WASHC2C: variants seen among roughly 807,000 people sequenced by gnomAD.
The protein encoded by WASHC2C is Vaccinia Penetration Factor.
Under a neutral mutation model 142.2 loss-of-function variants are expected in WASHC2C, and 73 were observed. The ratio of observed to expected loss-of-function variants is 0.51; its 90% CI spans 0.43 to 0.62. The LOEUF is 0.62. Ranked by LOEUF, WASHC2C falls within the 20% of genes least tolerant of loss-of-function variation. The pLI is 0.00. For missense variants in WASHC2C, 969 were observed against 1,531.7 expected (o/e 0.63, Z 6.13); for synonymous variants, 337 against 565.5 (o/e 0.60, Z 5.73).
intron 16 of WASHC2C, among the ~76,000 whole-genome samples, chr10:45,757,865 A>G (rs2054507739): frequency 6.6e-6 from 1 of 152,210 alleles, no homozygotes; most frequent in Non-Finnish European, 1.5e-5. Flanking sequence ...TGCTCACCTC[A>G]CCTCCTGCTG....
intron 17 of WASHC2C, among the ~76,000 whole-genome samples, chr10:45,761,685 G>A (rs1386313554): frequency 8.5e-5 from 13 of 152,154 alleles, no homozygotes; most frequent in Non-Finnish European, 1.5e-4. Context: ...CATTTTGGGG[G>A]AACATATTTG....
intron 17 of WASHC2C, among the ~76,000 whole-genome samples, chr10:45,761,751 G>A (rs1327427377): frequency 4.6e-5 from 7 of 152,158 alleles, no homozygotes; most frequent in South Asian, 2.1e-4. Flanking sequence ...TTAAGGGTCC[G>A]AAACTGTGAT....
At chr10:45,758,349 T>C (rs1295654520) in intron 16 of WASHC2C, among the ~76,000 whole-genome samples, 3 of 152,334 alleles carry the variant, frequency 2.0e-5, no homozygotes, top group Admixed American at 6.5e-5. Context: ...AAAGTGATAG[T>C]TGAACACAGT....
intron 21 of WASHC2C, 105 bp downstream of exon 21, chr10:45,773,463 C>T (rs1224435884): frequency 1.1e-5 from 7 of 635,666 alleles, no homozygotes; most frequent in African/African-American, 3.7e-5. Context: ...GAGGCTGAGT[C>T]TTATGGAAGA....
In WASHC2C at chr10:45,792,387, T is replaced by C. The variant is rs1237202593; in HGVS notation, c.4013T>C (p.Phe1338Ser). 1.9e-6 allele frequency: 3 copies of C among 1,564,786 alleles called. No individual in the cohort carries two copies. The highest frequency in any genetic ancestry group is 2.6e-6 in the Non-Finnish European group (3 of 1,146,542). Reference sequence around the variant, plus strand: ...ATCTTTGATGATCCCCTGAATGCCTTTGGAGGCCAGTAGAGCACACAGGGT... The same window carrying C: ...ATCTTTGATGATCCCCTGAATGCCTCTGGAGGCCAGTAGAGCACACAGGGT... ...SNIFDDPLNAFGGQ is the reference protein window; with the variant it reads ...SNIFDDPLNASGGQ Residue 1338 changes from phenylalanine (F) to serine (S), a missense_variant, in exon 31 of 31, where the codon TTT becomes TCT. By Grantham distance (155) the Phe-to-Ser change is radical. Transcript: ENST00000623400.
At chr10:45,786,534 A>G in intron 26 of WASHC2C, 78 bp from the exon 27 acceptor site, 1 of 1,472,272 alleles carries the variant, frequency 6.8e-7, no homozygotes, top group Non-Finnish European at 9.5e-7. Context: ...GCTCCATCAC[A>G]GATTTATTTA....
chr10:45,746,506 A>G (rs1554871154), intron 7 of WASHC2C, 94 bp from the exon 8 acceptor site: 2 of 1,426,096 alleles, frequency 1.4e-6, no homozygotes, highest in Admixed American at 1.7e-5. Flanking sequence ...CACTTGACAT[A>G]GAATCAGCCT....
At chr10:45,788,596 CTT>C (rs2058216106) in intron 28 of WASHC2C, among the ~76,000 whole-genome samples, 1 of 152,048 alleles carries the variant, frequency 6.6e-6, no homozygotes, top group Admixed American at 6.5e-5. Flanking sequence ...ACAGATGAAA[CTT>C]TTTGTGTGAA....
At chr10:45,748,808 C>A (rs2053175077) in intron 8 of WASHC2C, among the ~76,000 whole-genome samples, 1 of 152,040 alleles carries the variant, frequency 6.6e-6, no homozygotes. Flanking sequence ...AAAATTAGAA[C>A]TTAACAGATA....
rs2058259102 is a variant in WASHC2C at position 45,789,325 on chromosome 10, A to G, written c.3542A>G (p.Asp1181Gly). ...CCTGCTCTAGGCGAGGCCAGCAGTGATGATGATCTCTTTCAGTCTGCTAAA... is the reference window on the plus strand; with the variant it reads ...CCTGCTCTAGGCGAGGCCAGCAGTGGTGATGATCTCTTTCAGTCTGCTAAA... ...MFPALGEASS[D>G]DDLFQSAKPK... is the part of the protein sequence containing the mutation. The change falls in exon 29 of 31, where the codon GAT (aspartate) becomes GGT (glycine). Residue 1181 changes from aspartate to glycine, a missense_variant. Physicochemically the swap from Asp to Gly is moderately conservative, Grantham distance 94. Coordinates refer to ENST00000623400, the MANE Select transcript of WASHC2C (RefSeq NM_001330074.2). 2.5e-6 allele frequency: 4 copies of G among 1,611,960 alleles called. No homozygotes were observed. The highest frequency in any genetic ancestry group is 2.5e-6 in the Non-Finnish European group (3 of 1,179,876).
intron 19 of WASHC2C, among the ~76,000 whole-genome samples, chr10:45,767,019 C>T (rs1427036540): frequency 9.2e-5 from 14 of 152,002 alleles, no homozygotes; most frequent in African/African-American, 2.4e-5. Flanking sequence ...GTAATCCCAG[C>T]ACTTTGAGAG....
At position 45,738,166 on chromosome 10, in the gene WASHC2C, G is replaced by T. The variant is rs555878500; in HGVS notation, c.354+121G>T. ...GTTGGGAAAGGGAGGGACTGCTCCTGACAGCAGCCCAAGAGGGGATTCTTT... is the reference window on the plus strand; with the variant it reads ...GTTGGGAAAGGGAGGGACTGCTCCTTACAGCAGCCCAAGAGGGGATTCTTT... On this transcript the variant is annotated intron_variant, in intron 4 of 30. Transcript: ENST00000623400. 6.9e-5 allele frequency: 110 copies of T among 1,599,110 alleles called. No homozygotes were observed. In the African/African-American group the frequency reaches 1.4e-3, roughly 20 times the overall value.
intron 23 of WASHC2C, among the ~76,000 whole-genome samples, chr10:45,784,269 T>TATATATATATATATATATACACACAC: frequency 7.4e-5 from 1 of 13,474 alleles, no homozygotes; most frequent in South Asian, 4.1e-3. Context: ...TATATATATA[T>TATATATATATATATATATACACACAC]ATATATATAT....
chr10:45,735,991 A>G (rs111308586), intron 3 of WASHC2C, among the ~76,000 whole-genome samples: 7,834 of 151,960 alleles, frequency 0.052, 250 homozygotes, highest in African/African-American at 0.096. Context: ...AGTTTCAGCC[A>G]GGCACAATGG....
In WASHC2C at chr10:45,784,273, T is replaced by TATATATATATATACACACACAC. The variant is rs1564819879; in HGVS notation, c.2479-279_2479-278insCACACACACATATATATATATA. Among the ~76,000 whole-genome samples, 21 of 8,028 alleles carry TATATATATATATACACACACAC rather than the reference T, an allele frequency of 2.6e-3. 1 individual carries two copies. Among genetic ancestry groups the TATATATATATATACACACACAC allele is most frequent in the Non-Finnish European group, 5.2e-3 (11 of 2,128 alleles). 5.3% of individuals were successfully genotyped at this position (8,028 alleles called of 152,430 possible). ...GTGTGTATATATATATATATATATA[T>TATATATATATATACACACACAC]ATATATATATATATATACACATATA... On this transcript the variant is annotated intron_variant, in intron 23 of 30. Coordinates refer to ENST00000623400, the MANE Select transcript of WASHC2C (RefSeq NM_001330074.2).
At chr10:45,734,528 A>G (rs1162502759) in intron 3 of WASHC2C, among the ~76,000 whole-genome samples, 3 of 151,536 alleles carry the variant, frequency 2.0e-5, no homozygotes, top group African/African-American at 4.8e-5. Flanking sequence ...TATTTATGAA[A>G]TGTTTCATAA....
intron 2 of WASHC2C, among the ~76,000 whole-genome samples, chr10:45,727,913 A>G (rs929532733): frequency 2.0e-5 from 3 of 152,254 alleles, no homozygotes; most frequent in Non-Finnish European, 4.4e-5. Flanking sequence ...GGGATTCTTC[A>G]AATCGGGGGC....
intron 8 of WASHC2C, among the ~76,000 whole-genome samples, chr10:45,747,874 C>G (rs1215559325): frequency 1.3e-5 from 2 of 149,736 alleles, no homozygotes; most frequent in Non-Finnish European, 3.0e-5. Context: ...TATGAGCCAC[C>G]ACGCCCAGCC....
chr10:45,785,134 TCTGA>T (rs781844082), intron 25 of WASHC2C, among the ~76,000 whole-genome samples: 1 of 152,240 alleles, frequency 6.6e-6, no homozygotes, highest in Non-Finnish European at 1.5e-5. Context: ...ATCCAGGCTC[TCTGA>T]CTGTACTACA....
Sources: allele counts gnomAD v4.1 joint callset (sites outside exome capture counted in the v4.1 genomes callset), GRCh38; gene constraint gnomAD v4.1.1; transcripts MANE v1.5; gene names NCBI Gene and HGNC (gene_info 2026-07-23, HGNC 2026-07-21).